The following TRPM7 variants were observed in gnomAD, a reference collection of about 807,000 sequenced individuals.
TRPM7 encodes LTRPC ion channel family member 7.
TRPM7 carries 134 observed loss-of-function variants against 229.7 expected under a neutral mutation model. The observed-to-expected ratio is 0.58, with a 90% confidence interval of 0.51 to 0.67. TRPM7 has a LOEUF of 0.67. Ranked by LOEUF, TRPM7 falls within the 30% of genes least tolerant of loss-of-function variation. The pLI is 0.00. For missense variants in TRPM7, 1,901 were observed against 2,210.0 expected (o/e 0.86, Z 2.80); for synonymous variants, 699 against 715.2 (o/e 0.98, Z 0.36).
chr15:50,642,206 C>G (rs1025593409), intron 5 of TRPM7, among the ~76,000 whole-genome samples: 4 of 152,130 alleles, frequency 2.6e-5, no homozygotes, highest in African/African-American at 9.7e-5. Context: ...GATTGCCATT[C>G]TTGTATCAAT....
At position 50,561,760 on chromosome 15, in the gene TRPM7, T is replaced by A; in HGVS notation, c.5516A>T (p.Asp1839Val). 1 of 1,612,826 alleles carries A rather than the reference T, an allele frequency of 6.2e-7. No homozygotes were observed. Among genetic ancestry groups the A allele is most frequent in the Non-Finnish European group, 8.5e-7 (1 of 1,179,670 alleles). ...CTGAAGATTCAAATCTGAAGGCTCA[T>A]CCTGAGGAAATATAATTTTATCAGG... The part of the protein sequence containing the change: ...YTPDKIIFPQ[D>V]EPSDLNLQPG... The change falls in exon 39 of 39, where the codon GAT becomes GTT. Residue 1839 changes from aspartate (D) to valine (V), a missense_variant. Asp to Val is a radical substitution (Grantham distance 152). This residue lies in a region of TRPM7 where 257 missense variants were observed against 352.0 expected (regional missense o/e 0.73). Transcript: ENST00000646667.
At chr15:50,663,102 A>T in intron 1 of TRPM7, 56 bp from the exon 2 acceptor site, 1 of 1,349,876 alleles carries the variant, frequency 7.4e-7, no homozygotes, top group Non-Finnish European at 1.0e-6. Context: ...AATAAGAAGG[A>T]AACAATTTCA....
At chr15:50,632,788 TATTTC>T in intron 9 of TRPM7, 76 bp downstream of exon 9, 1 of 1,297,462 alleles carries the variant, frequency 7.7e-7, no homozygotes, top group African/African-American at 1.5e-5. Flanking sequence ...AAAACAAAAG[TATTTC>T]ACCAGTTTAG....
chr15:50,662,661 A>T (rs2061757559), intron 2 of TRPM7, among the ~76,000 whole-genome samples: 6 of 151,972 alleles, frequency 3.9e-5, no homozygotes. Context: ...CCATTAAAAA[A>T]TAAGAGAGTC....
intron 1 of TRPM7, among the ~76,000 whole-genome samples, chr15:50,678,263 A>AC (rs2062145874): frequency 6.8e-6 from 1 of 147,536 alleles, no homozygotes; most frequent in Admixed American, 6.8e-5. Flanking sequence ...AAAAACAAAA[A>AC]CAAAAACAAA....
intron 1 of TRPM7, among the ~76,000 whole-genome samples, chr15:50,685,837 A>G (rs1006149143): frequency 6.6e-6 from 1 of 152,190 alleles, no homozygotes; most frequent in African/African-American, 2.4e-5. Context: ...TCTCTGGGGC[A>G]AGGGATGCGG....
rs2141415123 is a variant in TRPM7 at position 50,561,578 on chromosome 15, C to CT, written c.*99_*100insA. On this transcript the variant is annotated 3_prime_UTR_variant, in exon 39 of 39. Transcript: ENST00000646667. ...GGAGTCAGCAAATTCAACTTGCATA[C>CT]ACCTTTCTATATTACCAAACAATTT... The CT allele has an allele frequency of 5.6e-6, 8 of 1,421,716 alleles. No homozygotes were observed. The East Asian group carries it at 1.6e-4, about 29-fold the overall frequency. 88.1% of individuals were successfully genotyped at this position (1,421,716 alleles called of 1,614,324 possible). A position where few individuals can be genotyped will look rare whatever the true frequency, so the allele number is the denominator to read the frequency against.
At chr15:50,618,333 G>A (rs893937860) in intron 13 of TRPM7, among the ~76,000 whole-genome samples, 10 of 152,110 alleles carry the variant, frequency 6.6e-5, no homozygotes, top group African/African-American at 1.7e-4. Context: ...CACTTTGGGA[G>A]GCCAAGGAGG....
rs1345694528 is a variant in TRPM7 at position 50,561,229 on chromosome 15, T to C, written c.*449A>G. 1 of 156,342 alleles carries C rather than the reference T, an allele frequency of 6.4e-6. No homozygotes were observed. Among genetic ancestry groups the C allele is most frequent in the East Asian group, 1.9e-4 (1 of 5,296 alleles). The allele number at this position is 156,342 out of a possible 1,614,324, so 9.7% of individuals were successfully genotyped here. ...TGATATCATCACTGAACACACTAAA[T>C]ACACTGAGGAAAATTTTGACTGCCA... On this transcript the variant is annotated 3_prime_UTR_variant, in exon 39 of 39. Transcript: ENST00000646667.
At chr15:50,634,610 T>C in intron 7 of TRPM7, 54 bp from the exon 8 acceptor site, 1 of 1,278,336 alleles carries the variant, frequency 7.8e-7, no homozygotes, top group Non-Finnish European at 1.0e-6. Flanking sequence ...CAAGTTTCTC[T>C]CCAAGAAAAA....
chr15:50,571,560 T>C (rs1029994346), intron 36 of TRPM7, among the ~76,000 whole-genome samples: 5 of 140,950 alleles, frequency 3.5e-5, no homozygotes, highest in Non-Finnish European at 7.8e-5. Flanking sequence ...GATATATCGT[T>C]AGGCAGAAAA....
At chr15:50,618,567 C>CTCAA (rs1479380639) in intron 13 of TRPM7, among the ~76,000 whole-genome samples, 1 of 120,690 alleles carries the variant, frequency 8.3e-6, no homozygotes, top group Non-Finnish European at 1.7e-5. Flanking sequence ...AAGATTCCGT[C>CTCAA]TCAATAAATA....
Position 50,561,649 on chromosome 15 carries a change from G to A in TRPM7, c.*29C>T, listed in dbSNP as rs202036850. ...ACAGTAACATTTCTGTGAGGTGCAG[G>A]CAAAACCAATGATTCAGTAATATTA... On this transcript the variant is annotated 3_prime_UTR_variant, in exon 39 of 39. Coordinates refer to ENST00000646667, the MANE Select transcript of TRPM7 (RefSeq NM_017672.6). 433 of 1,601,010 alleles carry A rather than the reference G, an allele frequency of 2.7e-4. 1 individual carries two copies. Among genetic ancestry groups the A allele is most frequent in the Admixed American group, 8.4e-4 (47 of 55,654 alleles).
At chr15:50,618,555 G>A (rs968049334) in intron 13 of TRPM7, among the ~76,000 whole-genome samples, 5 of 150,286 alleles carry the variant, frequency 3.3e-5, no homozygotes, top group Middle Eastern at 3.4e-3. Context: ...GGGCGACAGA[G>A]CAAGATTCCG....
chr15:50,621,911 T>C (rs983839534), intron 12 of TRPM7, among the ~76,000 whole-genome samples: 2 of 152,000 alleles, frequency 1.3e-5, no homozygotes, highest in African/African-American at 2.4e-5. Context: ...GCATCTATAA[T>C]CCCAGCAACT....
intron 5 of TRPM7, 51 bp downstream of exon 5, chr15:50,643,287 CAA>C: frequency 6.4e-6 from 8 of 1,258,688 alleles, no homozygotes; most frequent in Non-Finnish European, 6.6e-6. Context: ...GAGTCCGTCT[CAA>C]AAAAAAAAAT....
At chr15:50,572,574 T>A (rs1347513792) in intron 36 of TRPM7, among the ~76,000 whole-genome samples, 1 of 152,254 alleles carries the variant, frequency 6.6e-6, no homozygotes, top group Non-Finnish European at 1.5e-5. Context: ...ATATGCTTTA[T>A]TGCAATATTT....
At position 50,558,543 on chromosome 15, in the gene TRPM7, A is replaced by C. The variant is rs1412968740; in HGVS notation, c.*3135T>G. Reference sequence around the variant, plus strand: ...CCTTGTCTCTACGAAAAATACAAAAATCAGCCAGGCATTATGGTGGGTACC... The same window carrying C: ...CCTTGTCTCTACGAAAAATACAAAACTCAGCCAGGCATTATGGTGGGTACC... On this transcript the variant is annotated 3_prime_UTR_variant, in exon 39 of 39. Transcript: ENST00000646667. The C allele has an allele frequency of 6.6e-6, 1 of 151,976 alleles. No homozygotes were observed. Among genetic ancestry groups the C allele is most frequent in the African/African-American group, 2.4e-5 (1 of 41,378 alleles). The allele number at this position is 151,976 out of a possible 1,614,324, so 9.4% of individuals were successfully genotyped here.
At chr15:50,608,250 G>A (rs1401732289) in intron 19 of TRPM7, among the ~76,000 whole-genome samples, 1 of 152,056 alleles carries the variant, frequency 6.6e-6, no homozygotes, top group East Asian at 1.9e-4. Context: ...GTTACAGAGA[G>A]GTGCTAAAGT....
Sources: gnomAD v4.1 joint callset for allele counts (sites outside exome capture counted in the v4.1 genomes callset) on GRCh38, gnomAD v4.1.1 for gene constraint, gnomAD v4.1.1 regional missense constraint, MANE v1.5 for transcripts, NCBI Gene and HGNC (gene_info 2026-07-23, HGNC 2026-07-21) for gene names.